The following EEFSEC variants were observed in gnomAD, a reference collection of about 807,000 sequenced individuals.
EEFSEC encodes selenocysteine-specific elongation factor.
EEFSEC carries 43 observed loss-of-function variants against 42.1 expected under a neutral mutation model. The ratio of observed to expected loss-of-function variants is 1.02; its 90% CI spans 0.80 to 1.32. EEFSEC has a LOEUF of 1.32. EEFSEC is among the 40% of genes most tolerant of loss of function. The pLI is 0.00. For missense variants in EEFSEC, 745 were observed against 803.6 expected (o/e 0.93, Z 0.88); for synonymous variants, 354 against 339.1 (o/e 1.04, Z -0.48).
intron 6 of EEFSEC, among the ~76,000 whole-genome samples, chr3:128,390,273 C>T (rs116801783): frequency 0.015 from 2,237 of 152,304 alleles, 51 homozygotes; most frequent in African/African-American, 0.05. Context: ...CTCACCTGTC[C>T]GCTCTGTTAA....
At chr3:128,314,284 T>G (rs1043719579) in intron 4 of EEFSEC, among the ~76,000 whole-genome samples, 2 of 152,230 alleles carry the variant, frequency 1.3e-5, no homozygotes, top group African/African-American at 4.8e-5. Flanking sequence ...TTCTTTTTTC[T>G]CTCTGGTGCA....
chr3:128,423,069 C>T, the EEFSEC span, among the ~76,000 whole-genome samples: 3 of 152,158 alleles, frequency 2.0e-5, no homozygotes, highest in Non-Finnish European at 4.4e-5. Context: ...TGTGCCTCAG[C>T]GAAATGAAAT....
At chr3:128,218,786 A>T (rs1010852228) in intron 1 of EEFSEC, among the ~76,000 whole-genome samples, 2 of 152,298 alleles carry the variant, frequency 1.3e-5, no homozygotes, top group Non-Finnish European at 2.9e-5. Flanking sequence ...TGCAACTCTT[A>T]GCTTATTATT....
intron 4 of EEFSEC, among the ~76,000 whole-genome samples, chr3:128,331,208 A>G (rs1284649299): frequency 7.2e-4 from 17 of 23,762 alleles, no homozygotes; most frequent in South Asian, 3.1e-3. Context: ...CTTCCTCAGT[A>G]CATCTCCCCT....
chr3:128,190,985 G>A (rs2065518153), intron 1 of EEFSEC, among the ~76,000 whole-genome samples: 1 of 151,030 alleles, frequency 6.6e-6, no homozygotes, highest in Non-Finnish European at 1.5e-5. Flanking sequence ...TAAATGTACA[G>A]GTTTGTAGCC....
chr3:128,262,902 G>A (rs1012978359), intron 3 of EEFSEC, among the ~76,000 whole-genome samples: 8 of 152,274 alleles, frequency 5.3e-5, no homozygotes, highest in Admixed American at 2.6e-4. Context: ...CAGTTCAGCC[G>A]GGTGGAGTAG....
At chr3:128,189,322 A>G (rs2065497523) in intron 1 of EEFSEC, among the ~76,000 whole-genome samples, 1 of 152,212 alleles carries the variant, frequency 6.6e-6, no homozygotes, top group Non-Finnish European at 1.5e-5. Context: ...GTGGTCCCAT[A>G]AGATTATAGT....
intron 1 of EEFSEC, among the ~76,000 whole-genome samples, chr3:128,168,862 C>T (rs570181176): frequency 6.6e-6 from 1 of 152,306 alleles, no homozygotes; most frequent in Non-Finnish European, 1.5e-5. Flanking sequence ...TTTATTTTCC[C>T]AGGATTCTTA....
downstream of EEFSEC, among the ~76,000 whole-genome samples, chr3:128,412,069 G>A (rs1031734858): frequency 6.6e-6 from 1 of 152,230 alleles, no homozygotes; most frequent in African/African-American, 2.4e-5. Flanking sequence ...ATCGAGTCCA[G>A]TGTACACAGG....
intron 6 of EEFSEC, among the ~76,000 whole-genome samples, chr3:128,402,552 T>A (rs11718942): frequency 2.6e-5 from 4 of 152,200 alleles, no homozygotes; most frequent in Admixed American, 1.3e-4. Context: ...CCGTGTGACC[T>A]TGGGCAAGGT....
At chr3:128,368,222 A>G (rs2067612665) in intron 6 of EEFSEC, among the ~76,000 whole-genome samples, 1 of 152,202 alleles carries the variant, frequency 6.6e-6, no homozygotes, top group African/African-American at 2.4e-5. Flanking sequence ...ACCTGAGGTC[A>G]GGAGTTGGAG....
chr3:128,246,792 C>T (rs771550760), intron 1 of EEFSEC, 44 bp from the exon 2 acceptor site: 1 of 1,604,272 alleles, frequency 6.2e-7, no homozygotes, highest in Non-Finnish European at 8.5e-7. Context: ...CTGTGGGGCT[C>T]ACCACCCCTT....
At chr3:128,260,357 A>G (rs2066285135) in intron 2 of EEFSEC, among the ~76,000 whole-genome samples, 1 of 152,112 alleles carries the variant, frequency 6.6e-6, no homozygotes, top group South Asian at 2.1e-4. Context: ...TCCTATTTAG[A>G]GTTTATTGAG....
chr3:128,264,869 G>A (rs1309032477), intron 4 of EEFSEC, 88 bp downstream of exon 4: 2 of 1,458,710 alleles, frequency 1.4e-6, no homozygotes, highest in Non-Finnish European at 1.8e-6. Flanking sequence ...TGCTGAGCCT[G>A]CTGCTGTGCC....
chr3:128,403,681 C>T (rs2068074731), intron 6 of EEFSEC, among the ~76,000 whole-genome samples: 1 of 138,862 alleles, frequency 7.2e-6, no homozygotes, highest in Non-Finnish European at 1.5e-5. Context: ...CATCTGCCCT[C>T]AGCGCCTCTC....
intron 1 of EEFSEC, among the ~76,000 whole-genome samples, chr3:128,186,761 C>T (rs192372148): frequency 1.2e-3 from 178 of 152,236 alleles, no homozygotes; most frequent in African/African-American, 4.0e-3. Context: ...CTCAATATTT[C>T]ATTGATTTAT....
chr3:128,278,487 G>A (rs148014337), intron 4 of EEFSEC, among the ~76,000 whole-genome samples: 5 of 152,314 alleles, frequency 3.3e-5, no homozygotes, highest in East Asian at 1.9e-4. Context: ...TCACTAAGTT[G>A]GGGACGTTTG....
chr3:128,361,046 A>T (rs975135478), intron 6 of EEFSEC, among the ~76,000 whole-genome samples: 7 of 152,164 alleles, frequency 4.6e-5, no homozygotes, highest in African/African-American at 1.7e-4. Flanking sequence ...CTGGACATGC[A>T]GGGTGGGGAA....
At chr3:128,327,030 A>G (rs1477687612) in intron 4 of EEFSEC, among the ~76,000 whole-genome samples, 2 of 152,174 alleles carry the variant, frequency 1.3e-5, no homozygotes, top group East Asian at 3.9e-4. Context: ...CATGCCCCAC[A>G]TGGATTCTCA....
Sources: allele counts gnomAD v4.1 joint callset (sites outside exome capture counted in the v4.1 genomes callset), GRCh38; gene constraint gnomAD v4.1.1; transcripts MANE v1.5; gene names NCBI Gene and HGNC (gene_info 2026-07-23, HGNC 2026-07-21).